PSMD12: variants seen among roughly 807,000 people sequenced by gnomAD.
PSMD12 encodes the protein proteasome 26S subunit, non-ATPase 12.
In PSMD12, 8 loss-of-function variants were observed where a neutral mutation model predicts 62.9. The observed-to-expected ratio is 0.13, with a 90% CI of 0.07 to 0.23. PSMD12 has a LOEUF of 0.23. PSMD12 is among the 10% of genes least tolerant of loss of function. The pLI, the probability that PSMD12 is intolerant of heterozygous loss-of-function variation, is 1.00. For synonymous variants in PSMD12, 173 were observed against 187.4 expected, an observed-to-expected ratio of 0.92 and a Z score of 0.63; for missense variants, 424 against 550.2, an observed-to-expected ratio of 0.77 and a Z score of 2.29.
chr17:67,357,151 T>G, intron 3 of PSMD12, 152 bp downstream of exon 3: 1 of 779,374 alleles, frequency 1.3e-6, no homozygotes, highest in Non-Finnish European at 1.9e-6. Context: ...AACAGTCATA[T>G]CATTGTGAGA....
intron 3 of PSMD12, among the ~76,000 whole-genome samples, chr17:67,354,404 A>C (rs1361347964): frequency 7.0e-6 from 1 of 143,464 alleles, no homozygotes; most frequent in Non-Finnish European, 1.5e-5. Context: ...AGACTGTTTC[A>C]AAAAAAAAAA....
intron 3 of PSMD12, among the ~76,000 whole-genome samples, chr17:67,356,582 A>AAAAAAAAAAG (rs2042076397): frequency 6.8e-6 from 1 of 146,922 alleles, no homozygotes; most frequent in Non-Finnish European, 1.5e-5. Flanking sequence ...AAAAAAAAAA[A>AAAAAAAAAAG]AAAAGAAAAT....
At chr17:67,363,938 A>G (rs2042156730) in intron 1 of PSMD12, among the ~76,000 whole-genome samples, 2 of 152,068 alleles carry the variant, frequency 1.3e-5, no homozygotes, top group Non-Finnish European at 2.9e-5. Context: ...AATCCCAGAT[A>G]CTCGGGAGGC....
In PSMD12 at chr17:67,364,201, T is replaced by C. The variant is rs116739733; in HGVS notation, c.108+2211A>G. ...AAAAAGTATACCCTCCCACAACATATACCTTGTTTTATTCAGCTGGCACAC... is the reference window on the plus strand; with the variant it reads ...AAAAAGTATACCCTCCCACAACATACACCTTGTTTTATTCAGCTGGCACAC... On this transcript the variant is annotated intron_variant, in intron 1 of 10. Coordinates refer to ENST00000356126, the MANE Select transcript of PSMD12 (RefSeq NM_002816.5). Among the ~76,000 whole-genome samples, 900 of 151,944 alleles carry C rather than the reference T, an allele frequency of 5.9e-3. 5 individuals are homozygous for C. The highest frequency in any genetic ancestry group is 0.02 in the African/African-American group (836 of 41,484).
Position 67,342,225 on chromosome 17 carries a change from T to C in PSMD12, c.1122A>G (p.Thr374=), listed in dbSNP as rs960590140. 1 of 1,589,692 alleles carries C rather than the reference T, an allele frequency of 6.3e-7. No individual in the cohort carries two copies. Among genetic ancestry groups the C allele is most frequent in the South Asian group, 1.1e-5 (1 of 90,544 alleles). The part of the protein sequence containing the change: ...RIMAKYYTRI[T]MKRMAQLLDL... ...CCAGAAGCTGTGCCATCCTTTTCAT[T>C]GTTATCCGAGTATAATACTTGGCCA... The change falls in exon 10 of 11, where the codon ACA becomes ACG. Residue 374 remains threonine, a synonymous_variant. Transcript: ENST00000356126.
At chr17:67,341,182 C>T (rs1262586324) in intron 10 of PSMD12, 130 bp from the exon 11 acceptor site, 1 of 710,546 alleles carries the variant, frequency 1.4e-6, no homozygotes, top group Non-Finnish European at 2.2e-6. Flanking sequence ...GAGTTAGTAA[C>T]ACTCAGCTGG....
At chr17:67,350,187 AAC>A (rs1451102584) in intron 4 of PSMD12, 40 bp downstream of exon 4, 5 of 1,344,728 alleles carry the variant, frequency 3.7e-6, no homozygotes, top group South Asian at 2.6e-5. Flanking sequence ...ATACAGAAAA[AAC>A]AGTTCATATC....
chr17:67,352,059 G>A (rs118045648), intron 3 of PSMD12, among the ~76,000 whole-genome samples: 3,086 of 145,476 alleles, frequency 0.021, 48 homozygotes, highest in Admixed American at 0.033. Flanking sequence ...CCAGCCTGGC[G>A]ACAAGAGCGA....
intron 3 of PSMD12, among the ~76,000 whole-genome samples, chr17:67,351,771 G>A (rs1025422762): frequency 4.7e-5 from 7 of 150,430 alleles, no homozygotes; most frequent in East Asian, 2.0e-4. Context: ...AGTCCTCAGC[G>A]TCTGTTATTT....
intron 1 of PSMD12, among the ~76,000 whole-genome samples, chr17:67,360,774 G>A (rs2042121631): frequency 6.6e-6 from 1 of 152,176 alleles, no homozygotes; most frequent in Admixed American, 6.5e-5. Context: ...CGTGTTGAAT[G>A]GATTGGCACT....
intron 4 of PSMD12, among the ~76,000 whole-genome samples, chr17:67,348,902 A>G (rs1445971633): frequency 6.6e-6 from 1 of 152,194 alleles, no homozygotes; most frequent in East Asian, 1.9e-4. Flanking sequence ...AGGGTGCCAC[A>G]GGAGGATCAC....
chr17:67,341,174 G>T, intron 10 of PSMD12, 122 bp from the exon 11 acceptor site: 1 of 755,972 alleles, frequency 1.3e-6, no homozygotes, highest in Non-Finnish European at 2.0e-6. Context: ...ATTCTTAAGA[G>T]TTAGTAACAC....
intron 1 of PSMD12, among the ~76,000 whole-genome samples, chr17:67,357,799 T>C (rs146878066): frequency 6.6e-6 from 1 of 152,342 alleles, no homozygotes; most frequent in East Asian, 1.9e-4. Context: ...CCATAAGCTA[T>C]TTTTAATATT....
At chr17:67,351,392 A>AAATAATAATAATAAT (rs56142901) in intron 3 of PSMD12, among the ~76,000 whole-genome samples, 9,063 of 140,008 alleles carry the variant, frequency 0.065, 315 homozygotes, top group Middle Eastern at 0.096. Context: ...ACTTGTCTCA[A>AAATAATAATAATAAT]AATAATAATA....
At chr17:67,342,371 G>T in intron 9 of PSMD12, 108 bp from the exon 10 acceptor site, 1 of 730,714 alleles carries the variant, frequency 1.4e-6, no homozygotes. Context: ...TAGACTCAGA[G>T]CTTTTATTTT....
chr17:67,354,388 C>T (rs1353963924), intron 3 of PSMD12, among the ~76,000 whole-genome samples: 1 of 147,496 alleles, frequency 6.8e-6, no homozygotes, highest in Non-Finnish European at 1.5e-5. Flanking sequence ...CTAGCCTGGG[C>T]GACAGAGACT....
At chr17:67,352,448 T>C (rs1424928501) in intron 3 of PSMD12, among the ~76,000 whole-genome samples, 1 of 152,150 alleles carries the variant, frequency 6.6e-6, no homozygotes, top group Non-Finnish European at 1.5e-5. Flanking sequence ...ACTCTTTCAA[T>C]AAGTTCAAGG....
intron 1 of PSMD12, among the ~76,000 whole-genome samples, chr17:67,362,243 C>T (rs996923821): frequency 1.3e-5 from 2 of 152,052 alleles, no homozygotes; most frequent in Non-Finnish European, 1.5e-5. Flanking sequence ...GCAGAAAAGG[C>T]CCTCCTTAAT....
chr17:67,345,008 T>A (rs2041951301), intron 8 of PSMD12, among the ~76,000 whole-genome samples: 1 of 152,234 alleles, frequency 6.6e-6, no homozygotes, highest in African/African-American at 2.4e-5. Flanking sequence ...TTCTGCACTG[T>A]CAATTTCTGA....
Sources: gnomAD v4.1 joint callset for allele counts (sites outside exome capture counted in the v4.1 genomes callset) on GRCh38, gnomAD v4.1.1 for gene constraint, MANE v1.5 for transcripts, NCBI Gene and HGNC (gene_info 2026-07-23, HGNC 2026-07-21) for gene names.